Variants in PRKCE observed in about 807,000 individuals in gnomAD.
PRKCE encodes the protein protein kinase C epsilon type.
Under a neutral mutation model 85.4 loss-of-function variants are expected in PRKCE, and 16 were observed. The observed-to-expected ratio is 0.19, with a 90% confidence interval of 0.13 to 0.28. The LOEUF (loss-of-function observed/expected upper bound fraction) is 0.28. Ranked by LOEUF, PRKCE falls within the 10% of genes least tolerant of loss-of-function variation. The pLI is 1.00. For synonymous variants in PRKCE, 388 were observed against 371.5 expected (o/e 1.04, Z -0.51); for missense variants, 573 against 975.2 (o/e 0.59, Z 5.49).
intron 11 of PRKCE, among the ~76,000 whole-genome samples, chr2:46,107,266 A>G (rs1166020522): frequency 2.6e-5 from 4 of 152,200 alleles, no homozygotes; most frequent in Non-Finnish European, 5.9e-5. Flanking sequence ...ACCTTTTCAG[A>G]CTGGCTTCTT....
rs540633797 is a variant in PRKCE, at chr2:45,763,061, C to T, written c.349-79939C>T. ...CCGCCTCCTGGGTTCACACCATTCTCCTGCCTCATCAGCCTCCTGAGTAGC... is the reference window on the plus strand; with the variant it reads ...CCGCCTCCTGGGTTCACACCATTCTTCTGCCTCATCAGCCTCCTGAGTAGC... On this transcript the variant is annotated intron_variant, in intron 1 of 14. Coordinates refer to ENST00000306156, the MANE Select transcript of PRKCE (RefSeq NM_005400.3). Among the ~76,000 whole-genome samples the T allele has an allele frequency of 9.2e-5, 14 of 152,156 alleles. No homozygotes were observed. The South Asian group carries it at 2.7e-3, about 29-fold the overall frequency.
intron 1 of PRKCE, among the ~76,000 whole-genome samples, chr2:45,790,540 T>A (rs1480038045): frequency 2.0e-5 from 3 of 152,204 alleles, no homozygotes; most frequent in African/African-American, 7.2e-5. Context: ...CTCTATAACA[T>A]TTTTGTTCCA....
At chr2:45,794,851 C>A (rs936272072) in intron 1 of PRKCE, among the ~76,000 whole-genome samples, 85 of 151,472 alleles carry the variant, frequency 5.6e-4, no homozygotes, top group African/African-American at 1.9e-3. Flanking sequence ...CCCTACCCCC[C>A]CCCCCATCCA....
intron 10 of PRKCE, among the ~76,000 whole-genome samples, chr2:46,054,090 G>C (rs1303210790): frequency 2.0e-5 from 3 of 152,234 alleles, no homozygotes; most frequent in East Asian, 3.9e-4. Context: ...TCCTCATGTA[G>C]GCTAACACTT....
At position 46,088,315 on chromosome 2, in the gene PRKCE, C is replaced by G. The variant is rs187414558; in HGVS notation, c.1592+1953C>G. 2.4e-3 allele frequency among the ~76,000 whole-genome samples: 365 copies of G among 152,294 alleles called. 1 individual carries two copies. Among genetic ancestry groups the G allele is most frequent in the African/African-American group, 8.2e-3 (341 of 41,556 alleles). Reference sequence around the variant, plus strand: ...GCCAATTTCCAACTTTGCTGTGCTTCTGCCCTCATTTGCACCTCCTCTGTC... The same window carrying G: ...GCCAATTTCCAACTTTGCTGTGCTTGTGCCCTCATTTGCACCTCCTCTGTC... On this transcript the variant is annotated intron_variant, in intron 11 of 14. Coordinates refer to ENST00000306156, the MANE Select transcript of PRKCE (RefSeq NM_005400.3).
At chr2:46,050,345 A>C (rs189793104) in intron 10 of PRKCE, among the ~76,000 whole-genome samples, 65 of 152,314 alleles carry the variant, frequency 4.3e-4, no homozygotes, top group African/African-American at 1.5e-3. Flanking sequence ...TTATTTGCCG[A>C]GCCGTCCCTG....
intron 6 of PRKCE, among the ~76,000 whole-genome samples, chr2:45,991,453 C>A (rs1463275177): frequency 2.6e-5 from 4 of 152,152 alleles, no homozygotes; most frequent in African/African-American, 9.7e-5. Flanking sequence ...TAATTCAATC[C>A]TCCGTGCATA....
At chr2:45,720,022 C>G (rs1486080969) in intron 1 of PRKCE, among the ~76,000 whole-genome samples, 3 of 152,132 alleles carry the variant, frequency 2.0e-5, no homozygotes, top group African/African-American at 7.2e-5. Flanking sequence ...TTGCTGGAGT[C>G]CCTTCCCAGT....
At chr2:45,896,916 T>C (rs1293955184) in intron 2 of PRKCE, among the ~76,000 whole-genome samples, 1 of 152,104 alleles carries the variant, frequency 6.6e-6, no homozygotes, top group Non-Finnish European at 1.5e-5. Context: ...AGACCCCATC[T>C]CAATAAAAAT....
chr2:45,961,628 G>A (rs916014941), intron 2 of PRKCE, among the ~76,000 whole-genome samples: 4 of 152,160 alleles, frequency 2.6e-5, no homozygotes, highest in South Asian at 2.1e-4. Flanking sequence ...GAGGAGCCAG[G>A]CTTGTTAGCA....
At chr2:45,968,248 TAC>T (rs35474852) in intron 2 of PRKCE, among the ~76,000 whole-genome samples, 120,085 of 151,168 alleles carry the variant, frequency 0.79, 48,078 homozygotes, top group East Asian at 0.97. Context: ...AAGAAAATAT[TAC>T]ACACACACAC....
intron 1 of PRKCE, among the ~76,000 whole-genome samples, chr2:45,818,121 TAC>T (rs983565397): frequency 3.9e-5 from 6 of 152,254 alleles, no homozygotes; most frequent in African/African-American, 1.4e-4. Flanking sequence ...ATAATCATTT[TAC>T]ACAATCAATT....
chr2:46,013,776 T>C (rs1705884943), intron 10 of PRKCE, among the ~76,000 whole-genome samples: 1 of 152,186 alleles, frequency 6.6e-6, no homozygotes, highest in South Asian at 2.1e-4. Flanking sequence ...TATTTTTCAA[T>C]ATATCGGAAA....
At chr2:45,989,648 T>TAAAA (rs34422241) in intron 6 of PRKCE, among the ~76,000 whole-genome samples, 45 of 147,258 alleles carry the variant, frequency 3.1e-4, no homozygotes, top group African/African-American at 1.1e-3. Flanking sequence ...TTTCCTTGTT[T>TAAAA]AAAAAAAAAA....
chr2:45,874,688 C>T (rs977638181), intron 2 of PRKCE, among the ~76,000 whole-genome samples: 3 of 152,230 alleles, frequency 2.0e-5, no homozygotes, highest in African/African-American at 7.2e-5. Flanking sequence ...CCTTCAGATT[C>T]TTAATTCCTG....
rs1026471018 is a variant in PRKCE, at chr2:45,905,571, G to T, written c.412+62508G>T. 6.6e-6 allele frequency among the ~76,000 whole-genome samples: 1 copy of T among 152,202 alleles called. No homozygotes were observed. Among genetic ancestry groups the T allele is most frequent in the Non-Finnish European group, 1.5e-5 (1 of 68,026 alleles). Reference sequence around the variant, plus strand: ...CCCTGTGAGCTTTCCTAAAAGCTGGGCAAAGCAGGGCTTTCACCGGGCTCT... The same window carrying T: ...CCCTGTGAGCTTTCCTAAAAGCTGGTCAAAGCAGGGCTTTCACCGGGCTCT... On this transcript the variant is annotated intron_variant, in intron 2 of 14. Coordinates refer to ENST00000306156, the MANE Select transcript of PRKCE (RefSeq NM_005400.3). The surrounding 1 kb of genome is among the most constrained non-coding windows in gnomAD (Gnocchi z 4.4).
intron 2 of PRKCE, among the ~76,000 whole-genome samples, chr2:45,910,047 C>G (rs551998910): frequency 6.6e-6 from 1 of 151,870 alleles, no homozygotes; most frequent in African/African-American, 2.4e-5. Flanking sequence ...CTCACCGCCC[C>G]CCCCCAGCCA....
At chr2:46,147,170 T>C (rs534842555) in intron 12 of PRKCE, among the ~76,000 whole-genome samples, 1 of 152,362 alleles carries the variant, frequency 6.6e-6, no homozygotes, top group South Asian at 2.1e-4. Context: ...TTTCAGTCTT[T>C]CTGCAAATGT....
At chr2:45,720,573 C>G (rs1392001369) in intron 1 of PRKCE, among the ~76,000 whole-genome samples, 1 of 152,174 alleles carries the variant, frequency 6.6e-6, no homozygotes, top group East Asian at 1.9e-4. Context: ...GCCAGTATCC[C>G]TCTTTGCCCA....
Sources: gnomAD v4.1 joint callset for allele counts (sites outside exome capture counted in the v4.1 genomes callset) on GRCh38, gnomAD v4.1.1 for gene constraint, Gnocchi (gnomAD v3.1) non-coding constraint, MANE v1.5 for transcripts, NCBI Gene and HGNC (gene_info 2026-07-23, HGNC 2026-07-21) for gene names.